The following STRAP variants were observed in gnomAD, a reference collection of about 807,000 sequenced individuals.
The protein encoded by STRAP is serine-threonine kinase receptor-associated protein.
In STRAP, 16 loss-of-function variants were observed where a neutral mutation model predicts 47.0. The ratio of observed to expected loss-of-function variants is 0.34; its 90% CI spans 0.23 to 0.52. The LOEUF (loss-of-function observed/expected upper bound fraction) is 0.52. STRAP is among the 20% of genes least tolerant of loss of function. The pLI, the probability that STRAP is intolerant of heterozygous loss-of-function variation, is 0.96. For missense variants in STRAP, 293 were observed against 420.0 expected (o/e 0.70, Z 2.64); for synonymous variants, 130 against 142.7 (o/e 0.91, Z 0.63).
intron 5 of STRAP, among the ~76,000 whole-genome samples, chr12:15,895,003 C>T: frequency 6.6e-6 from 1 of 152,136 alleles, no homozygotes; most frequent in Non-Finnish European, 1.5e-5. Flanking sequence ...ATGTATATTT[C>T]TTTGGAAAGA....
chr12:15,890,138 C>G lies in STRAP; in HGVS notation c.330+129C>G. ...GTGGAATATTTGTTATTTCTTGGTT[C>G]ATATTTGATTTGATTGTGTATTAAG... On this transcript the variant is annotated intron_variant, in intron 3 of 9. Coordinates refer to ENST00000419869, the MANE Select transcript of STRAP (RefSeq NM_007178.4). This position sits in a 1 kb window ranked among gnomAD's most constrained non-coding sequence, Gnocchi z 4.5. The G allele has an allele frequency of 1.1e-6, 1 of 882,592 alleles. No homozygotes were observed. Among genetic ancestry groups the G allele is most frequent in the Non-Finnish European group, 1.8e-6 (1 of 563,056 alleles). 54.7% of individuals were successfully genotyped at this position (882,592 alleles called of 1,614,324 possible). A position where few individuals can be genotyped will look rare whatever the true frequency, so the allele number is the denominator to read the frequency against.
chr12:15,888,706 G>C (rs375326283), intron 2 of STRAP, among the ~76,000 whole-genome samples: 19 of 151,896 alleles, frequency 1.3e-4, no homozygotes, highest in African/African-American at 4.6e-4. Flanking sequence ...ACAATATCTA[G>C]GTGCTTTTTT....
In STRAP at chr12:15,894,385, C is replaced by T. The variant is rs1015202484; in HGVS notation, c.500+242C>T. ...GAGGCAGGAGAATCACTTGAACCTG[C>T]GAGGCAGAGGTTGCGGTGAGTCGAG... On this transcript the variant is annotated intron_variant, in intron 5 of 9. Transcript: ENST00000419869. The surrounding 1 kb of genome is among the most constrained non-coding windows in gnomAD (Gnocchi z 4.9). Among the ~76,000 whole-genome samples the T allele has an allele frequency of 2.0e-5, 3 of 152,218 alleles. No individual in the cohort carries two copies. The highest frequency in any genetic ancestry group is 2.1e-4 in the South Asian group (1 of 4,824).
At chr12:15,892,037 A>C (rs1948020097) in intron 4 of STRAP, among the ~76,000 whole-genome samples, 1 of 152,190 alleles carries the variant, frequency 6.6e-6, no homozygotes, top group African/African-American at 2.4e-5. Context: ...ATCTATACCC[A>C]ACATGTTCTA....
intron 1 of STRAP, 72 bp from the exon 2 acceptor site, chr12:15,883,469 T>A: frequency 6.7e-7 from 1 of 1,493,826 alleles, no homozygotes; most frequent in South Asian, 1.2e-5. Flanking sequence ...CATCATTGTA[T>A]ATTTACATTT....
At chr12:15,899,529 G>GAAATAGGCA (rs1345772904) in intron 7 of STRAP, among the ~76,000 whole-genome samples, 5 of 152,172 alleles carry the variant, frequency 3.3e-5, no homozygotes, top group African/African-American at 1.2e-4. Flanking sequence ...GATTCCCTGA[G>GAAATAGGCA]AAATAGGCAG....
At position 15,890,984 on chromosome 12, in the gene STRAP, C is replaced by T. The variant is rs1195516347; in HGVS notation, c.403+315C>T. On this transcript the variant is annotated intron_variant, in intron 4 of 9. Transcript: ENST00000419869. This position sits in a 1 kb window ranked among gnomAD's most constrained non-coding sequence, Gnocchi z 4.5. ...CTGAGGCAGGAGAATCGCTTGAACC[C>T]GGGAGGTGGAGGTTGCAGTGAGCCG... is the stretch of plus-strand genomic sequence containing the variant. Among the ~76,000 whole-genome samples, 7 of 151,528 alleles carry T rather than the reference C, an allele frequency of 4.6e-5. No homozygotes were observed. In the East Asian group the frequency reaches 5.8e-4, roughly 13 times the overall value.
At chr12:15,902,871 G>A in intron 9 of STRAP, 46 bp from the exon 10 acceptor site, 1 of 1,381,004 alleles carries the variant, frequency 7.2e-7, no homozygotes, top group Non-Finnish European at 9.4e-7. Context: ...CTTTCATTAA[G>A]TTGACTAATG....
Position 15,896,407 on chromosome 12 carries a change from A to C in STRAP, c.638+911A>C, listed in dbSNP as rs2136112109. Among the ~76,000 whole-genome samples, 1 of 152,188 alleles carries C rather than the reference A, an allele frequency of 6.6e-6. No homozygotes were observed. Among genetic ancestry groups the C allele is most frequent in the East Asian group, 1.9e-4 (1 of 5,202 alleles). ...TAAATGTAGTAAATACTCTTGGAGAAAGACTGGAATATATAACATAATTGA... is the reference window on the plus strand; with the variant it reads ...TAAATGTAGTAAATACTCTTGGAGACAGACTGGAATATATAACATAATTGA... On this transcript the variant is annotated intron_variant, in intron 6 of 9. Coordinates refer to ENST00000419869, the MANE Select transcript of STRAP (RefSeq NM_007178.4). This position sits in a 1 kb window ranked among gnomAD's most constrained non-coding sequence, Gnocchi z 4.1.
chr12:15,902,772 G>A, intron 9 of STRAP, 145 bp from the exon 10 acceptor site: 1 of 900,862 alleles, frequency 1.1e-6, no homozygotes, highest in Non-Finnish European at 1.5e-6. Context: ...AGTGGCATGT[G>A]CAGTTGCTCT....
intron 2 of STRAP, among the ~76,000 whole-genome samples, chr12:15,888,264 G>A (rs1428153080): frequency 6.6e-6 from 1 of 152,124 alleles, no homozygotes; most frequent in Admixed American, 6.6e-5. Flanking sequence ...AAGAACATAG[G>A]AGCCTGGAAG....
rs1303870141 is a variant in STRAP, at chr12:15,890,326, CT to C, written c.331-270del. Among the ~76,000 whole-genome samples, 1 of 152,140 alleles carries C rather than the reference CT, an allele frequency of 6.6e-6. No individual in the cohort carries two copies. Among genetic ancestry groups the C allele is most frequent in the Non-Finnish European group, 1.5e-5 (1 of 68,030 alleles). On this transcript the variant is annotated intron_variant, in intron 3 of 9. Coordinates refer to ENST00000419869, the MANE Select transcript of STRAP (RefSeq NM_007178.4). The surrounding 1 kb of genome is among the most constrained non-coding windows in gnomAD (Gnocchi z 4.5). ...ATTTGAGATAATCAGAAAAGGGCCT[CT>C]CACAAGGGAGAGGAGTAGGATCAGG...
At chr12:15,892,188 C>T (rs1948021481) in intron 4 of STRAP, among the ~76,000 whole-genome samples, 1 of 151,862 alleles carries the variant, frequency 6.6e-6, no homozygotes, top group South Asian at 2.1e-4. Context: ...GCCTGTCTAC[C>T]TTTTGTCCAT....
At position 15,894,481 on chromosome 12, in the gene STRAP, G is replaced by A. The variant is rs1278612640; in HGVS notation, c.500+338G>A. ...CAAAAGAAAAACAAACTTAAAATTT[G>A]CAAAATATTTTACCTTAGAGCTTAT... On this transcript the variant is annotated intron_variant, in intron 5 of 9. Transcript: ENST00000419869. The surrounding 1 kb of genome is among the most constrained non-coding windows in gnomAD (Gnocchi z 4.9). Among the ~76,000 whole-genome samples the A allele has an allele frequency of 6.6e-6, 1 of 152,036 alleles. No individual in the cohort carries two copies. The highest frequency in any genetic ancestry group is 2.4e-5 in the African/African-American group (1 of 41,404).
Position 15,882,665 on chromosome 12 carries a change from C to A in STRAP, c.-43C>A. On this transcript the variant is annotated 5_prime_UTR_variant, in exon 1 of 10. Coordinates refer to ENST00000419869, the MANE Select transcript of STRAP (RefSeq NM_007178.4). ...CAGCAGAAGAGAGAAAAGACAACGA[C>A]GACCCTCAGCTCGCCAGTCCGGTCG... is the stretch of plus-strand genomic sequence containing the variant. 2.0e-6 allele frequency: 3 copies of A among 1,533,764 alleles called. No individual in the cohort carries two copies. Among genetic ancestry groups the A allele is most frequent in the Non-Finnish European group, 2.7e-6 (3 of 1,126,082 alleles).
intron 4 of STRAP, among the ~76,000 whole-genome samples, chr12:15,893,707 A>G (rs139203905): frequency 0.037 from 5,464 of 148,620 alleles, 155 homozygotes; most frequent in Middle Eastern, 0.074. Flanking sequence ...TATTATACAT[A>G]TAATAAATAT....
chr12:15,902,527 T>C (rs530123672), intron 9 of STRAP, among the ~76,000 whole-genome samples: 1 of 152,314 alleles, frequency 6.6e-6, no homozygotes, highest in South Asian at 2.1e-4. Context: ...ACAATGTTGA[T>C]GGTTAATGTT....
chr12:15,883,156 A>G, intron 1 of STRAP: 1 of 1,534,484 alleles, frequency 6.5e-7, no homozygotes, highest in Non-Finnish European at 8.7e-7. Context: ...GAAAGGAGAA[A>G]TTAGGCCAGG....
intron 2 of STRAP, among the ~76,000 whole-genome samples, chr12:15,885,946 C>T (rs1050973028): frequency 7.2e-5 from 11 of 152,184 alleles, no homozygotes; most frequent in Non-Finnish European, 1.5e-4. Flanking sequence ...TCACCACCCG[C>T]ACTTGATCAA....
Sources: gnomAD v4.1 joint callset for allele counts (sites outside exome capture counted in the v4.1 genomes callset) on GRCh38, gnomAD v4.1.1 for gene constraint, Gnocchi (gnomAD v3.1) non-coding constraint, MANE v1.5 for transcripts, NCBI Gene and HGNC (gene_info 2026-07-23, HGNC 2026-07-21) for gene names.